The following CACNA1B variants were observed in gnomAD, a reference collection of about 807,000 sequenced individuals.
CACNA1B encodes the protein calcium voltage-gated channel subunit alpha1 B, also known as voltage-dependent N-type calcium channel subunit alpha-1B.
CACNA1B carries 70 observed loss-of-function variants against 247.2 expected under a neutral mutation model. That is an observed-to-expected ratio of 0.28 (90% CI 0.23 to 0.35). CACNA1B has a LOEUF of 0.35. Among genes scored for constraint, CACNA1B ranks in the 10% least tolerant of loss-of-function variants. CACNA1B has a pLI of 1.00. For synonymous variants in CACNA1B, 1,231 were observed against 1,294.4 expected (o/e 0.95, Z 1.05); for missense variants, 2,367 against 3,197.4 (o/e 0.74, Z 6.26).
chr9:137,966,766 C>CTG (rs371953922), intron 10 of CACNA1B, among the ~76,000 whole-genome samples: 1 of 152,030 alleles, frequency 6.6e-6, no homozygotes, highest in African/African-American at 2.4e-5. Flanking sequence ...TCTCGATCTC[C>CTG]TGACCTCGTG....
At chr9:137,966,817 C>T (rs745501814) in intron 10 of CACNA1B, among the ~76,000 whole-genome samples, 12 of 152,168 alleles carry the variant, frequency 7.9e-5, no homozygotes, top group East Asian at 3.9e-4. Flanking sequence ...GGATTACAGG[C>T]GTGAGCCACC....
chr9:138,051,336 CTTGCTTCTGT>C lies in CACNA1B; in HGVS notation c.3711-755_3711-746del, dbSNP rs1959268437. On this transcript the variant is annotated intron_variant, in intron 24 of 46. Transcript: ENST00000371372. This position sits in a 1 kb window ranked among gnomAD's most constrained non-coding sequence, Gnocchi z 4.3. ...GAGGCCCTCTGGTTCTGTACTTCTG[CTTGCTTCTGT>C]GCCTGGAATTTTCTTTCCCCGACTT... Among the ~76,000 whole-genome samples the C allele has an allele frequency of 6.6e-6, 1 of 151,714 alleles. No homozygotes were observed.
chr9:137,924,120 C>T (rs759574983), intron 6 of CACNA1B, among the ~76,000 whole-genome samples: 23 of 152,034 alleles, frequency 1.5e-4, no homozygotes, highest in Non-Finnish European at 3.2e-4. Flanking sequence ...TGATCGAGTC[C>T]AGTTTATCAA....
At chr9:137,940,161 G>GTTTTATT (rs1957716747) in intron 6 of CACNA1B, among the ~76,000 whole-genome samples, 1 of 152,032 alleles carries the variant, frequency 6.6e-6, no homozygotes, top group African/African-American at 2.4e-5. Context: ...AATAAAATTG[G>GTTTTATT]TAGCCCATTA....
At chr9:137,922,282 C>T (rs1408841418) in intron 6 of CACNA1B, among the ~76,000 whole-genome samples, 2 of 147,704 alleles carry the variant, frequency 1.4e-5, no homozygotes, top group African/African-American at 5.1e-5. Flanking sequence ...GCACCACGAC[C>T]GCACAGCATC....
At position 138,023,275 on chromosome 9, in the gene CACNA1B, C is replaced by G. The variant is rs758180785; in HGVS notation, c.2532C>G (p.Gly844=). The change falls in exon 19 of 47, where the codon GGC becomes GGG. Residue 844 remains glycine (G), a synonymous_variant. Transcript: ENST00000371372. ...CTGAGGCTGCGGAGGCCCCCGAGGG[C>G]GTCGACCCTCCGCGCAGGCACCACC... ...ARPEAAEAPE[G]VDPPRRHHRH... 13 of 1,515,756 alleles carry G rather than the reference C, an allele frequency of 8.6e-6. No individual in the cohort carries two copies. The South Asian group carries it at 1.5e-4, about 17-fold the overall frequency. The allele number at this position is 1,515,756 out of a possible 1,614,324, so 93.9% of individuals were successfully genotyped here.
rs569492136 is a variant in CACNA1B, at chr9:137,939,227, G to A, written c.967-13047G>A. ...ACCCTGGAACAAATGGACTTAACAG[G>A]TATTTACAGAACATTCTAGCCAACA... On this transcript the variant is annotated intron_variant, in intron 6 of 46. Transcript: ENST00000371372. Among the ~76,000 whole-genome samples the A allele has an allele frequency of 2.0e-5, 3 of 152,156 alleles. No homozygotes were observed. In the East Asian group the frequency reaches 5.8e-4, roughly 29 times the overall value.
chr9:138,073,449 G>A lies in CACNA1B; in HGVS notation c.4675-39G>A. ...GGCAGCAGCTTGCCTGCGCTTTCGGGGCTTCTGAAGGTCAGAGAACAATTC... is the reference window on the plus strand; with the variant it reads ...GGCAGCAGCTTGCCTGCGCTTTCGGAGCTTCTGAAGGTCAGAGAACAATTC... On this transcript the variant is annotated intron_variant, in intron 32 of 46. Coordinates refer to ENST00000371372, the MANE Select transcript of CACNA1B (RefSeq NM_000718.4). This position sits in a 1 kb window ranked among gnomAD's most constrained non-coding sequence, Gnocchi z 6.4. The A allele has an allele frequency of 7.6e-7, 1 of 1,317,994 alleles. No homozygotes were observed. Among genetic ancestry groups the A allele is most frequent in the Non-Finnish European group, 1.1e-6 (1 of 911,138 alleles). 81.6% of individuals were successfully genotyped at this position (1,317,994 alleles called of 1,614,324 possible).
At chr9:138,037,686 A>AG (rs1959064163) in intron 20 of CACNA1B, among the ~76,000 whole-genome samples, 5 of 150,788 alleles carry the variant, frequency 3.3e-5, no homozygotes, top group Admixed American at 3.3e-4. Context: ...AAAAAAAGAG[A>AG]GAAAAAATCC....
At chr9:138,040,739 C>T in intron 20 of CACNA1B, 1 of 198,502 alleles carries the variant, frequency 5.0e-6, no homozygotes, top group South Asian at 6.3e-5. Context: ...TTAGATGGTG[C>T]CCACCAGAGG....
chr9:137,900,769 G>C (rs1056769288), intron 3 of CACNA1B, among the ~76,000 whole-genome samples: 1 of 147,192 alleles, frequency 6.8e-6, no homozygotes, highest in African/African-American at 2.5e-5. Context: ...CCCTGTGTCT[G>C]TGTGTCCCTG....
rs927488763 is a variant in CACNA1B, at chr9:137,967,445, C to T, written c.1334-3938C>T. Among the ~76,000 whole-genome samples the T allele has an allele frequency of 1.1e-4, 17 of 152,330 alleles. 1 individual carries two copies. The highest frequency in any genetic ancestry group is 5.9e-4 in the Admixed American group (9 of 15,298). On this transcript the variant is annotated intron_variant, in intron 10 of 46. Transcript: ENST00000371372. ...CCCAGGGGCCCTCAGCTATCATTCC[C>T]GTGGCCCGCTCTCAGAGCCCTAACC...
At chr9:137,903,681 T>G (rs947710822) in intron 3 of CACNA1B, among the ~76,000 whole-genome samples, 7 of 152,242 alleles carry the variant, frequency 4.6e-5, no homozygotes, top group Non-Finnish European at 8.8e-5. Context: ...GAATCAAGTT[T>G]AGAAATAAAT....
chr9:138,083,886 C>G (rs1960608506), intron 36 of CACNA1B, among the ~76,000 whole-genome samples: 1 of 150,618 alleles, frequency 6.6e-6, no homozygotes. Context: ...ACTGCCAAGC[C>G]CTACCATCCC....
rs967704565 is a variant in CACNA1B, at chr9:138,100,940, G to T, written c.5223-1771G>T. 2.6e-5 allele frequency among the ~76,000 whole-genome samples: 4 copies of T among 152,092 alleles called. No homozygotes were observed. Among genetic ancestry groups the T allele is most frequent in the Non-Finnish European group, 4.4e-5 (3 of 68,006 alleles). ...CTGGGGTTGCCACACCTCCCGGGGAGCTCCAAGCCCCAGTACCCCGGCGAG... is the reference window on the plus strand; with the variant it reads ...CTGGGGTTGCCACACCTCCCGGGGATCTCCAAGCCCCAGTACCCCGGCGAG... On this transcript the variant is annotated intron_variant, in intron 37 of 46. Coordinates refer to ENST00000371372, the MANE Select transcript of CACNA1B (RefSeq NM_000718.4). The surrounding 1 kb of genome is among the most constrained non-coding windows in gnomAD (Gnocchi z 4.6).
Position 137,943,840 on chromosome 9 carries a change from G to A in CACNA1B, c.967-8434G>A, listed in dbSNP as rs55704820. 2.1e-3 allele frequency among the ~76,000 whole-genome samples: 325 copies of A among 152,328 alleles called. 3 individuals are homozygous for A. The highest frequency in any genetic ancestry group is 7.1e-3 in the African/African-American group (295 of 41,576). Reference sequence around the variant, plus strand: ...CCCAGTAGGTAACCGCAATGAGCACGGTGCCAGGGAGTGATTGCCCTCAGC... The same window carrying A: ...CCCAGTAGGTAACCGCAATGAGCACAGTGCCAGGGAGTGATTGCCCTCAGC... On this transcript the variant is annotated intron_variant, in intron 6 of 46. Coordinates refer to ENST00000371372, the MANE Select transcript of CACNA1B (RefSeq NM_000718.4).
intron 10 of CACNA1B, among the ~76,000 whole-genome samples, chr9:137,958,361 C>A (rs922849533): frequency 6.6e-6 from 1 of 152,186 alleles, no homozygotes; most frequent in Admixed American, 6.5e-5. Flanking sequence ...ATAACACACA[C>A]AAACACTCAT....
At chr9:137,939,847 TAAAAAAA>T (rs61564187) in intron 6 of CACNA1B, among the ~76,000 whole-genome samples, 1 of 95,072 alleles carries the variant, frequency 1.1e-5, no homozygotes, top group African/African-American at 4.7e-5. Context: ...AATAAATAAA[TAAAAAAA>T]AATAAAATTC....
intron 42 of CACNA1B, among the ~76,000 whole-genome samples, chr9:138,116,839 G>A (rs533153646): frequency 7.2e-5 from 11 of 152,186 alleles, no homozygotes; most frequent in Non-Finnish European, 1.0e-4. Flanking sequence ...CACTGCGGCC[G>A]CTCTGTGCCT....
Sources: gnomAD v4.1 joint callset for allele counts (sites outside exome capture counted in the v4.1 genomes callset) on GRCh38, gnomAD v4.1.1 for gene constraint, Gnocchi (gnomAD v3.1) non-coding constraint, MANE v1.5 for transcripts, NCBI Gene and HGNC (gene_info 2026-07-23, HGNC 2026-07-21) for gene names.